Variants in STK3 observed in about 807,000 individuals in gnomAD.
STK3 encodes serine/threonine kinase 3, also known as serine/threonine-protein kinase 3.
A neutral mutation model predicts 58.0 loss-of-function variants in STK3; 41 were observed. The ratio of observed to expected loss-of-function variants is 0.71; its 90% CI spans 0.55 to 0.92. STK3 has a LOEUF of 0.92. Among genes scored for constraint, STK3 ranks in the 40% least tolerant of loss-of-function variants. The probability of loss-of-function intolerance (pLI) is 0.00; values close to 1 mark genes in which losing one functional copy is unlikely to be tolerated. For synonymous variants in STK3, 170 were observed against 191.0 expected (o/e 0.89, Z 0.91); for missense variants, 479 against 602.7 (o/e 0.79, Z 2.15).
chr8:98,413,809 G>T (rs1014079219), intron 3 of STK3: 4 of 610,340 alleles, frequency 6.6e-6, no homozygotes, highest in South Asian at 6.1e-5. Context: ...GGGGCCTCAG[G>T]GTTCACCCAC....
intron 1 of STK3, among the ~76,000 whole-genome samples, chr8:98,823,442 A>G (rs1835039336): frequency 6.6e-6 from 1 of 152,230 alleles, no homozygotes; most frequent in African/African-American, 2.4e-5. Flanking sequence ...GAGAGTTTCA[A>G]AAAGAGCCAT....
intron 1 of STK3, among the ~76,000 whole-genome samples, chr8:98,383,389 T>G (rs535953727): frequency 2.6e-5 from 4 of 152,202 alleles, no homozygotes; most frequent in South Asian, 4.1e-4. Context: ...TCAGACTAGA[T>G]GTATAAATGA....
intron 2 of STK3, 33 bp from the exon 3 acceptor site, chr8:98,767,404 T>G: frequency 6.5e-7 from 1 of 1,548,756 alleles, no homozygotes. Context: ...TTTTTTCCTA[T>G]CAAACATCGT....
At chr8:98,861,417 G>A (rs922529573) in intron 3 of STK3, among the ~76,000 whole-genome samples, 14 of 138,992 alleles carry the variant, frequency 1.0e-4, no homozygotes, top group South Asian at 6.7e-4. Flanking sequence ...GTGCTATCTC[G>A]GCTCACTGCA....
intron 6 of STK3, among the ~76,000 whole-genome samples, chr8:98,615,216 G>A (rs527614461): frequency 1.7e-4 from 25 of 150,912 alleles, no homozygotes; most frequent in East Asian, 3.9e-4. Context: ...CACCTCACAC[G>A]GCAGGGTATT....
At chr8:98,749,515 T>C (rs1029922638) in intron 3 of STK3, 125 bp from the exon 4 acceptor site, 2 of 465,636 alleles carry the variant, frequency 4.3e-6, no homozygotes, top group Non-Finnish European at 7.7e-6. Context: ...AAATTTCTAT[T>C]GCACATCAAA....
intron 3 of STK3, among the ~76,000 whole-genome samples, chr8:98,861,577 A>G (rs1363188135): frequency 4.6e-5 from 7 of 151,752 alleles, no homozygotes; most frequent in African/African-American, 7.3e-5. Context: ...CGAACTCCTG[A>G]GCTTGGGCAA....
chr8:98,637,455 A>T (rs1183349186), intron 6 of STK3, among the ~76,000 whole-genome samples: 1 of 152,202 alleles, frequency 6.6e-6, no homozygotes, highest in Non-Finnish European at 1.5e-5. Flanking sequence ...GCCTTTGGGT[A>T]GGTCATACAG....
chr8:98,893,532 G>GAA (rs1195563463), intron 1 of STK3, among the ~76,000 whole-genome samples: 2 of 127,388 alleles, frequency 1.6e-5, no homozygotes, highest in East Asian at 2.4e-4. Context: ...AAGAAAGAAA[G>GAA]AAAGAAAAAG....
chr8:98,799,949 TAGGGGA>T (rs1231778298), intron 1 of STK3, among the ~76,000 whole-genome samples: 4 of 152,202 alleles, frequency 2.6e-5, no homozygotes, highest in Middle Eastern at 3.2e-3. Context: ...TGCACCTTCC[TAGGGGA>T]AGAGTGTTGT....
intron 1 of STK3, chr8:98,906,271 G>C (rs537422690): frequency 1.3e-5 from 2 of 152,626 alleles, no homozygotes; most frequent in African/African-American, 4.8e-5. Flanking sequence ...CCGTTTCTTG[G>C]TGACATTGTG....
At chr8:98,445,631 G>T (rs911460763) in intron 1 of STK3, among the ~76,000 whole-genome samples, 1 of 151,996 alleles carries the variant, frequency 6.6e-6, no homozygotes, top group African/African-American at 2.4e-5. Context: ...ATTAAAAATG[G>T]AAAATGCTGA....
chr8:98,403,336 T>C (rs933208799), intron 3 of STK3, among the ~76,000 whole-genome samples: 8 of 152,140 alleles, frequency 5.3e-5, no homozygotes, highest in East Asian at 1.9e-4. Context: ...TAGTTTTGTC[T>C]CCCCCATAGA....
intron 1 of STK3, among the ~76,000 whole-genome samples, chr8:98,913,234 C>T (rs931538952): frequency 2.0e-5 from 3 of 151,932 alleles, no homozygotes; most frequent in Non-Finnish European, 4.4e-5. Flanking sequence ...TTGATTTATG[C>T]TTCTTTCAAA....
At chr8:98,572,094 T>C (rs1813015339) in intron 8 of STK3, among the ~76,000 whole-genome samples, 1 of 152,244 alleles carries the variant, frequency 6.6e-6, no homozygotes, top group African/African-American at 2.4e-5. Context: ...ACTGTATAAA[T>C]ATTTAAAAAC....
intron 6 of STK3, among the ~76,000 whole-genome samples, chr8:98,620,495 TAAATAAAA>T (rs1000236458): frequency 3.6e-5 from 5 of 137,676 alleles, no homozygotes; most frequent in African/African-American, 1.4e-4. Flanking sequence ...AATAAATAAA[TAAATAAAA>T]AGGTCAACAT....
chr8:98,503,116 C>T (rs1433105493), intron 10 of STK3, among the ~76,000 whole-genome samples: 1 of 152,106 alleles, frequency 6.6e-6, no homozygotes. Context: ...TCAACTTCTT[C>T]CTGGTTTTTT....
At chr8:98,608,446 A>AC in intron 6 of STK3, among the ~76,000 whole-genome samples, 1 of 152,312 alleles carries the variant, frequency 6.6e-6, no homozygotes, top group Admixed American at 6.5e-5. Context: ...TGTTTGATGC[A>AC]TGTTCACCAG....
chr8:98,810,084 C>T (rs1230378152), intron 1 of STK3, among the ~76,000 whole-genome samples: 2 of 152,120 alleles, frequency 1.3e-5, no homozygotes, highest in African/African-American at 2.4e-5. Flanking sequence ...GGAGGTGCTA[C>T]ACACTTAGAA....
Sources: gnomAD v4.1 joint callset for allele counts (sites outside exome capture counted in the v4.1 genomes callset) on GRCh38, gnomAD v4.1.1 for gene constraint, MANE v1.5 for transcripts, NCBI Gene and HGNC (gene_info 2026-07-23, HGNC 2026-07-21) for gene names.